The following VPS39 variants were observed in gnomAD, a reference collection of about 807,000 sequenced individuals.
The protein encoded by VPS39 is VPS39 subunit of HOPS complex, also known as vam6/Vps39-like protein.
In VPS39, 70 loss-of-function variants were observed where a neutral mutation model predicts 121.0. The observed-to-expected ratio is 0.58, with a 90% CI of 0.48 to 0.71. VPS39 has a LOEUF of 0.71. Among genes scored for constraint, VPS39 ranks in the 30% least tolerant of loss-of-function variants. VPS39 has a pLI of 0.00. For missense variants in VPS39, 818 were observed against 1,051.5 expected (o/e 0.78, Z 3.07); for synonymous variants, 378 against 398.1 (o/e 0.95, Z 0.60).
chr15:42,181,015 G>A (rs1369825074), intron 8 of VPS39, among the ~76,000 whole-genome samples: 2 of 152,086 alleles, frequency 1.3e-5, no homozygotes, highest in Admixed American at 1.3e-4. Context: ...TCTCATTTCT[G>A]GGTACATATT....
intron 16 of VPS39, 60 bp from the exon 17 acceptor site, chr15:42,165,876 C>T: frequency 6.7e-7 from 1 of 1,492,696 alleles, no homozygotes; most frequent in Non-Finnish European, 9.3e-7. Flanking sequence ...CCAGCAAACA[C>T]ACACGCATGT....
chr15:42,164,991 G>C lies in VPS39; in HGVS notation c.1897+5C>G, dbSNP rs1339019062. On this transcript the variant is annotated splice_donor_5th_base_variant and intron_variant, in intron 18 of 24. Coordinates refer to ENST00000318006, the MANE Select transcript of VPS39 (RefSeq NM_015289.5). ...GGCCAACCGGCTTCCTAAAAGAACT[G>C]GTACCTGCAGGGAAGGACAGGAGAT... 6.2e-7 allele frequency: 1 copy of C among 1,614,116 alleles called. No individual in the cohort carries two copies. Among genetic ancestry groups the C allele is most frequent in the African/African-American group, 1.3e-5 (1 of 75,048 alleles).
chr15:42,203,983 A>C (rs1341221423), intron 1 of VPS39, among the ~76,000 whole-genome samples: 1 of 152,196 alleles, frequency 6.6e-6, no homozygotes, highest in African/African-American at 2.4e-5. Context: ...AGCCCTAAAA[A>C]ACTCCTGACG....
chr15:42,165,543 T>C (rs2049225018), intron 17 of VPS39, 175 bp downstream of exon 17: 3 of 559,764 alleles, frequency 5.4e-6, no homozygotes, highest in Admixed American at 3.2e-5. Context: ...ATTTGGTAGG[T>C]AGCATTTCCA....
chr15:42,184,466 G>A (rs1297641837), intron 8 of VPS39, 51 bp downstream of exon 8: 6 of 1,527,582 alleles, frequency 3.9e-6, no homozygotes, highest in Non-Finnish European at 5.3e-6. Context: ...CTGCAGGAAT[G>A]GCACACAACC....
At position 42,178,456 on chromosome 15, in the gene VPS39, G is replaced by A. The variant is rs760629334; in HGVS notation, c.833C>T (p.Ser278Leu). The A allele has an allele frequency of 1.1e-5, 18 of 1,614,178 alleles. No homozygotes were observed. The highest frequency in any genetic ancestry group is 1.5e-5 in the Non-Finnish European group (18 of 1,180,026). Residue 278 changes from serine to leucine, a missense_variant, in exon 9 of 25, where the codon TCA becomes TTA. Ser to Leu is a moderately radical substitution (Grantham distance 145). Coordinates refer to ENST00000318006, the MANE Select transcript of VPS39 (RefSeq NM_015289.5). Reference protein sequence around the residue: ...IELQRPRFITSGGSNIIYVAS... With the variant: ...IELQRPRFITLGGSNIIYVAS... ...AAAAAAAGAAATTCCTTACCCTCCTGAGGTAATGAAACGGGGCCTTTGCAA... is the reference window on the plus strand; with the variant it reads ...AAAAAAAGAAATTCCTTACCCTCCTAAGGTAATGAAACGGGGCCTTTGCAA...
chr15:42,188,817 A>G (rs758306562), intron 5 of VPS39, among the ~76,000 whole-genome samples: 2 of 152,060 alleles, frequency 1.3e-5, no homozygotes, highest in African/African-American at 2.4e-5. Context: ...AATACAAAAA[A>G]TAGCCGGACG....
intron 24 of VPS39, chr15:42,161,032 GCA>G: frequency 1.7e-6 from 1 of 595,322 alleles, no homozygotes; most frequent in South Asian, 2.0e-5. Context: ...AGGATGAGGT[GCA>G]CACAGTTAAG....
intron 1 of VPS39, among the ~76,000 whole-genome samples, chr15:42,203,917 C>A (rs1186389960): frequency 6.6e-6 from 1 of 152,210 alleles, no homozygotes; most frequent in African/African-American, 2.4e-5. Flanking sequence ...TAACACACAA[C>A]AGAAAGTGAG....
At chr15:42,178,412 G>A (rs1452086446) in intron 9 of VPS39, 38 bp downstream of exon 9, 1 of 1,613,938 alleles carries the variant, frequency 6.2e-7, no homozygotes, top group African/African-American at 1.3e-5. Context: ...ACAACTTTGG[G>A]ATAATATACA....
rs2049198984 is a variant in VPS39 at position 42,164,363 on chromosome 15, A to G, written c.2021T>C (p.Phe674Ser). 3 of 1,613,976 alleles carry G rather than the reference A, an allele frequency of 1.9e-6. No homozygotes were observed. The highest frequency in any genetic ancestry group is 2.5e-6 in the Non-Finnish European group (3 of 1,179,970). The change falls in exon 19 of 25, where the codon TTT becomes TCT. Residue 674 changes from phenylalanine (F) to serine (S), a missense_variant. Phe to Ser is a radical substitution (Grantham distance 155). Coordinates refer to ENST00000318006, the MANE Select transcript of VPS39 (RefSeq NM_015289.5). ...DPGRLICDFP[F>S]DGLLEERALL... ...GCCCTAAGCCAGACACTCACCATCA[A>G]AGGGAAAATCACAGATGAGCCGGCC...
chr15:42,186,804 C>G (rs916523582), intron 7 of VPS39, among the ~76,000 whole-genome samples: 2 of 152,044 alleles, frequency 1.3e-5, no homozygotes, highest in Non-Finnish European at 2.9e-5. Context: ...GTAATAAACA[C>G]GTGTAAAAAC....
intron 17 of VPS39, 113 bp from the exon 18 acceptor site, chr15:42,165,226 C>CTGGAT: frequency 9.9e-7 from 1 of 1,006,094 alleles, no homozygotes; most frequent in African/African-American, 1.6e-5. Context: ...ATCCCCTAAT[C>CTGGAT]GGGCTGCAAA....
intron 2 of VPS39, among the ~76,000 whole-genome samples, chr15:42,199,105 T>A (rs2050009172): frequency 6.6e-6 from 1 of 152,096 alleles, no homozygotes; most frequent in Admixed American, 6.6e-5. Flanking sequence ...TATATTATAT[T>A]GAAGGGTATG....
chr15:42,199,301 C>A (rs575475451), intron 2 of VPS39, among the ~76,000 whole-genome samples: 18 of 152,124 alleles, frequency 1.2e-4, no homozygotes, highest in Non-Finnish European at 2.4e-4. Context: ...TACTGACAGT[C>A]ACATTTGATT....
At chr15:42,186,526 G>C (rs2049705754) in intron 7 of VPS39, among the ~76,000 whole-genome samples, 1 of 152,176 alleles carries the variant, frequency 6.6e-6, no homozygotes, top group South Asian at 2.1e-4. Context: ...GAATTACAAG[G>C]GGTGTGAAGC....
chr15:42,167,983 G>A (rs2049278251), intron 12 of VPS39, among the ~76,000 whole-genome samples: 1 of 152,216 alleles, frequency 6.6e-6, no homozygotes, highest in Admixed American at 6.5e-5. Flanking sequence ...TTTGACAGAT[G>A]TGTACATGCA....
At chr15:42,179,935 G>C (rs1280896131) in intron 8 of VPS39, among the ~76,000 whole-genome samples, 1 of 152,122 alleles carries the variant, frequency 6.6e-6, no homozygotes, top group South Asian at 2.1e-4. Context: ...TATAAAAAGG[G>C]CTTGTGGAGT....
In VPS39 at chr15:42,208,208, C is replaced by T. The variant is rs2050218688; in HGVS notation, c.-55G>A. The T allele has an allele frequency of 2.6e-6, 4 of 1,550,456 alleles. No individual in the cohort carries two copies. The highest frequency in any genetic ancestry group is 4.9e-5 in the East Asian group (2 of 40,994). On this transcript the variant is annotated 5_prime_UTR_variant, in exon 1 of 25. Transcript: ENST00000318006. ...CTCGCCCAGAGTGTTCCGGGCCGGGCTGGGGTCCGGAACGAGTCTGGGCTA... is the reference window on the plus strand; with the variant it reads ...CTCGCCCAGAGTGTTCCGGGCCGGGTTGGGGTCCGGAACGAGTCTGGGCTA...
Sources: allele counts gnomAD v4.1 joint callset (sites outside exome capture counted in the v4.1 genomes callset), GRCh38; gene constraint gnomAD v4.1.1; transcripts MANE v1.5; gene names NCBI Gene and HGNC (gene_info 2026-07-23, HGNC 2026-07-21).